Variants in DGLUCY observed in about 807,000 individuals in gnomAD.
DGLUCY encodes D-glutamate cyclase, mitochondrial.
DGLUCY carries 58 observed loss-of-function variants against 58.5 expected under a neutral mutation model. The ratio of observed to expected loss-of-function variants is 0.99; its 90% CI spans 0.80 to 1.23. The LOEUF (loss-of-function observed/expected upper bound fraction) is 1.23. Ranked by LOEUF, DGLUCY falls within the 50% of genes most tolerant of loss-of-function variation. The probability of loss-of-function intolerance (pLI) is 0.00; values close to 1 mark genes in which losing one functional copy is unlikely to be tolerated. For missense variants in DGLUCY, 779 were observed against 784.7 expected, an observed-to-expected ratio of 0.99 and a Z score of 0.09; for synonymous variants, 325 against 314.1, an observed-to-expected ratio of 1.03 and a Z score of -0.37.
chr14:91,123,668 C>A (rs138841448), intron 1 of DGLUCY, among the ~76,000 whole-genome samples: 1 of 152,200 alleles, frequency 6.6e-6, no homozygotes, highest in African/African-American at 2.4e-5. Flanking sequence ...CTCACTGCAA[C>A]CTCAACCCCC....
At chr14:91,079,113 A>G (rs1029982846) in intron 1 of DGLUCY, among the ~76,000 whole-genome samples, 14 of 151,814 alleles carry the variant, frequency 9.2e-5, no homozygotes, top group African/African-American at 2.9e-4. Flanking sequence ...CATATTGGCC[A>G]GGCTGGTCTC....
intron 1 of DGLUCY, among the ~76,000 whole-genome samples, chr14:91,135,769 A>G (rs1206738904): frequency 1.3e-5 from 2 of 150,688 alleles, no homozygotes; most frequent in African/African-American, 4.9e-5. Context: ...TTTATTATTG[A>G]CAGACATTAA....
At chr14:91,116,764 T>A (rs1437113946) in intron 1 of DGLUCY, among the ~76,000 whole-genome samples, 2 of 152,148 alleles carry the variant, frequency 1.3e-5, no homozygotes, top group Non-Finnish European at 2.9e-5. Flanking sequence ...GCCAACATAG[T>A]GAAACCCCAT....
intron 1 of DGLUCY, among the ~76,000 whole-genome samples, chr14:91,086,567 C>T (rs1463499126): frequency 6.6e-6 from 1 of 152,072 alleles, no homozygotes; most frequent in Non-Finnish European, 1.5e-5. Context: ...TGTACATGTT[C>T]AGTAAAGACA....
At chr14:91,085,567 T>G (rs139769492) in intron 1 of DGLUCY, among the ~76,000 whole-genome samples, 7,361 of 151,004 alleles carry the variant, frequency 0.049, 602 homozygotes, top group African/African-American at 0.17. Context: ...TTTTTTGTTT[T>G]TTTTTTTTTT....
At chr14:91,151,691 G>A (rs576728230) in intron 1 of DGLUCY, among the ~76,000 whole-genome samples, 68 of 125,918 alleles carry the variant, frequency 5.4e-4, no homozygotes, top group African/African-American at 2.0e-3. Context: ...GTCTTGCTCT[G>A]TCACCCAGGC....
Position 91,181,266 on chromosome 14 carries a change from C to T in DGLUCY, c.811C>T (p.Leu271Phe), listed in dbSNP as rs777864798. Residue 271 changes from leucine to phenylalanine, a missense_variant, in exon 8 of 14, where the codon CTC (leucine) becomes TTC (phenylalanine). Transcript: ENST00000256324. ...LKDAKAPPGC[L>F]TPERIPEVHH... is the part of the protein sequence containing the mutation. ...GGATGCAAAGGCTCCACCTGGTTGT[C>T]TCACCCCAGAGAGAATTCCAGAGGT... The T allele has an allele frequency of 6.8e-6, 11 of 1,614,060 alleles. No homozygotes were observed. The East Asian group carries it at 2.2e-4, about 33-fold the overall frequency.
intron 3 of DGLUCY, among the ~76,000 whole-genome samples, chr14:91,163,318 C>A (rs745621569): frequency 1.4e-4 from 22 of 152,086 alleles, no homozygotes; most frequent in Non-Finnish European, 2.5e-4. Flanking sequence ...CAGTAAGAAG[C>A]GGGTGAGTAG....
At chr14:91,097,587 C>T (rs1168277979) in intron 1 of DGLUCY, among the ~76,000 whole-genome samples, 2 of 152,034 alleles carry the variant, frequency 1.3e-5, no homozygotes, top group Non-Finnish European at 2.9e-5. Context: ...ACAGACAGTC[C>T]CCACAAGGCA....
At chr14:91,095,108 C>CA (rs1486704497) in intron 1 of DGLUCY, among the ~76,000 whole-genome samples, 2 of 152,150 alleles carry the variant, frequency 1.3e-5, no homozygotes, top group African/African-American at 4.8e-5. Flanking sequence ...CCTGCCCCCC[C>CA]AGTTCATTTG....
Position 91,092,501 on chromosome 14 carries a change from A to G in DGLUCY, c.-82+31797A>G, listed in dbSNP as rs1247214398. Among the ~76,000 whole-genome samples the G allele has an allele frequency of 2.6e-5, 4 of 152,234 alleles. 1 individual carries two copies. The highest frequency in any genetic ancestry group is 5.9e-5 in the Non-Finnish European group (4 of 68,032). On this transcript the variant is annotated intron_variant, in intron 1 of 4. Transcript: ENST00000521334. ...ATTGGTTAGATTGAGAAGACACTTG[A>G]TGATAAAAGGATTTTATATGACTTA...
At chr14:91,060,421 CCCT>C in exon 1 of DGLUCY, 1 of 1,496,644 alleles carries the variant, frequency 6.7e-7, no homozygotes, top group Non-Finnish European at 9.0e-7. Flanking sequence ...GCTGCTGCCA[CCCT>C]CCTCCTCCAT....
intron 1 of DGLUCY, among the ~76,000 whole-genome samples, chr14:91,153,715 A>G (rs774120953): frequency 5.9e-5 from 9 of 152,196 alleles, no homozygotes; most frequent in Non-Finnish European, 8.8e-5. Context: ...TGCCGGGCCC[A>G]TGAAGGATGA....
intron 1 of DGLUCY, among the ~76,000 whole-genome samples, chr14:91,137,642 G>T (rs185500962): frequency 2.0e-5 from 3 of 151,330 alleles, no homozygotes. Context: ...TGATCCGCCC[G>T]CCTTAGCCTC....
At chr14:91,067,871 A>G (rs934926810) in intron 1 of DGLUCY, among the ~76,000 whole-genome samples, 3 of 152,004 alleles carry the variant, frequency 2.0e-5, no homozygotes, top group African/African-American at 7.2e-5. Context: ...TCTTAATACT[A>G]TTTTTGACCC....
chr14:91,110,363 C>CCTG (rs2044672541), upstream of DGLUCY, among the ~76,000 whole-genome samples: 1 of 151,928 alleles, frequency 6.6e-6, no homozygotes, highest in South Asian at 2.1e-4. Context: ...TGTTGCAAGC[C>CCTG]CTGCTTGGTG....
chr14:91,200,813 T>C (rs2050505847), intron 11 of DGLUCY, among the ~76,000 whole-genome samples: 1 of 152,162 alleles, frequency 6.6e-6, no homozygotes, highest in Non-Finnish European at 1.5e-5. Context: ...TTATTTCACC[T>C]GGGTGCAGGC....
intron 1 of DGLUCY, among the ~76,000 whole-genome samples, chr14:91,079,359 CTT>C (rs1166257201): frequency 1.3e-4 from 19 of 141,060 alleles, no homozygotes; most frequent in Non-Finnish European, 1.6e-4. Context: ...CTTTTCTTTT[CTT>C]TTTTTTTTTT....
chr14:91,198,703 A>C (rs943567729), intron 10 of DGLUCY, among the ~76,000 whole-genome samples: 15 of 152,170 alleles, frequency 9.9e-5, no homozygotes, highest in African/African-American at 3.4e-4. Flanking sequence ...TCATAGCAAC[A>C]ATAATCACTG....
Sources: gnomAD v4.1 joint callset for allele counts (sites outside exome capture counted in the v4.1 genomes callset) on GRCh38, gnomAD v4.1.1 for gene constraint, MANE v1.5 for transcripts, NCBI Gene and HGNC (gene_info 2026-07-23, HGNC 2026-07-21) for gene names.